FNDC3B: variants seen among roughly 807,000 people sequenced by gnomAD.
FNDC3B encodes fibronectin type III domain-containing protein 3B.
FNDC3B carries 12 observed loss-of-function variants against 151.5 expected under a neutral mutation model. That is an observed-to-expected ratio of 0.08 (90% confidence interval 0.05 to 0.13). The LOEUF is 0.13. FNDC3B is among the 10% of genes least tolerant of loss of function. FNDC3B has a pLI of 1.00. For missense variants in FNDC3B, 1,214 were observed against 1,505.3 expected, an observed-to-expected ratio of 0.81 and a Z score of 3.20; for synonymous variants, 528 against 549.0, an observed-to-expected ratio of 0.96 and a Z score of 0.54.
intron 1 of FNDC3B, among the ~76,000 whole-genome samples, chr3:172,064,916 T>C (rs1235107205): frequency 5.3e-5 from 8 of 152,232 alleles, no homozygotes; most frequent in East Asian, 3.8e-4. Context: ...TAAAAACAAG[T>C]GTCCACCAAC....
At chr3:172,308,169 C>T (rs1271628123) in intron 10 of FNDC3B, among the ~76,000 whole-genome samples, 1 of 152,124 alleles carries the variant, frequency 6.6e-6, no homozygotes, top group African/African-American at 2.4e-5. Context: ...TTAGGCCATA[C>T]ACCAGTCAGG....
At chr3:172,290,996 T>A (rs891662454) in intron 7 of FNDC3B, among the ~76,000 whole-genome samples, 10 of 152,334 alleles carry the variant, frequency 6.6e-5, no homozygotes, top group African/African-American at 2.2e-4. Context: ...GGAAATATTT[T>A]TGAACATGAA....
At chr3:172,150,507 A>G (rs769647980) in intron 3 of FNDC3B, among the ~76,000 whole-genome samples, 8 of 151,708 alleles carry the variant, frequency 5.3e-5, no homozygotes, top group Non-Finnish European at 1.0e-4. Flanking sequence ...TCTCTCATCT[A>G]TGGGGCATTA....
At chr3:172,201,972 A>G (rs988596901) in intron 3 of FNDC3B, among the ~76,000 whole-genome samples, 1 of 152,222 alleles carries the variant, frequency 6.6e-6, no homozygotes, top group Non-Finnish European at 1.5e-5. Flanking sequence ...GCATGATGTA[A>G]TAACTTGGAT....
chr3:172,295,518 G>T lies in FNDC3B; in HGVS notation c.1001+4G>T, dbSNP rs910255195. ...GAAAATACAAGATAATTTACAGGTT[G>T]TGTATGTTTCTATTGTTTTTCTTTG... On this transcript the variant is annotated splice_donor_region_variant and intron_variant, in intron 8 of 25. Coordinates refer to ENST00000415807, the MANE Select transcript of FNDC3B (RefSeq NM_022763.4). 5 of 1,611,608 alleles carry T rather than the reference G, an allele frequency of 3.1e-6. No homozygotes were observed. Among genetic ancestry groups the T allele is most frequent in the Non-Finnish European group, 4.2e-6 (5 of 1,179,158 alleles).
chr3:172,191,730 C>T (rs1724518615), intron 3 of FNDC3B, among the ~76,000 whole-genome samples: 1 of 152,126 alleles, frequency 6.6e-6, no homozygotes, highest in African/African-American at 2.4e-5. Context: ...CTTCTGGGCT[C>T]AAGTGATCCT....
intron 3 of FNDC3B, among the ~76,000 whole-genome samples, chr3:172,220,176 T>C (rs1726207809): frequency 6.6e-6 from 1 of 152,152 alleles, no homozygotes. Context: ...TCTGTGTGTG[T>C]GTGTGTGTGT....
intron 15 of FNDC3B, 88 bp downstream of exon 15, chr3:172,335,170 C>CA: frequency 5.1e-6 from 7 of 1,369,152 alleles, no homozygotes; most frequent in South Asian, 1.6e-5. Flanking sequence ...AGTGACAAGC[C>CA]AAAAAAATTG....
At position 172,378,304 on chromosome 3, in the gene FNDC3B, T is replaced by C; in HGVS notation, c.3043T>C (p.Tyr1015His). 1 of 1,612,054 alleles carries C rather than the reference T, an allele frequency of 6.2e-7. No individual in the cohort carries two copies. Among genetic ancestry groups the C allele is most frequent in the Non-Finnish European group, 8.5e-7 (1 of 1,179,390 alleles). ...AATCTACAGAGGACCCAGCCACACCTACAAGGTCCAGAGACTGACGGAATT... is the reference window on the plus strand; with the variant it reads ...AATCTACAGAGGACCCAGCCACACCCACAAGGTCCAGAGACTGACGGAATT... ...ISIYRGPSHTYKVQRLTEFTC... is the reference protein window; with the variant it reads ...ISIYRGPSHTHKVQRLTEFTC... The change falls in exon 24 of 26, where the codon TAC (tyrosine) becomes CAC (histidine). Residue 1015 changes from tyrosine to histidine, a missense_variant. Tyr to His is a moderately conservative substitution (Grantham distance 83). Transcript: ENST00000415807.
intron 3 of FNDC3B, among the ~76,000 whole-genome samples, chr3:172,211,158 G>T (rs755942572): frequency 2.4e-4 from 37 of 152,258 alleles, no homozygotes; most frequent in South Asian, 1.7e-3. Flanking sequence ...ACATAAAAAT[G>T]ACTCATAACA....
intron 1 of FNDC3B, among the ~76,000 whole-genome samples, chr3:172,058,915 G>A (rs531385491): frequency 6.6e-6 from 1 of 152,140 alleles, no homozygotes; most frequent in Non-Finnish European, 1.5e-5. Context: ...CATCTTCATA[G>A]GAGCATATCA....
At chr3:172,152,683 C>T (rs1722293781) in intron 3 of FNDC3B, among the ~76,000 whole-genome samples, 1 of 150,308 alleles carries the variant, frequency 6.7e-6, no homozygotes, top group Non-Finnish European at 1.5e-5. Flanking sequence ...GGAACGTGCT[C>T]AACTTACAAA....
Position 172,190,136 on chromosome 3 carries a change from C to G in FNDC3B, c.188-36735C>G, listed in dbSNP as rs147791956. On this transcript the variant is annotated intron_variant, in intron 3 of 25. Coordinates refer to ENST00000415807, the MANE Select transcript of FNDC3B (RefSeq NM_022763.4). ...CTGGAGCCTTGCTAGAATGCTTCCT[C>G]TCTTGGGAGTTCAGCCGACTGGGAG... is the stretch of plus-strand genomic sequence containing the variant. Among the ~76,000 whole-genome samples, 485 of 152,224 alleles carry G rather than the reference C, an allele frequency of 3.2e-3. 2 individuals are homozygous for G. The highest frequency in any genetic ancestry group is 0.01 in the Middle Eastern group (3 of 290).
intron 3 of FNDC3B, among the ~76,000 whole-genome samples, chr3:172,165,201 G>T (rs1490206391): frequency 5.9e-5 from 9 of 152,114 alleles, no homozygotes; most frequent in Non-Finnish European, 4.4e-5. Flanking sequence ...TTAGAGATGG[G>T]ATTTCACCAT....
chr3:172,151,966 C>A (rs1722249571), intron 3 of FNDC3B, among the ~76,000 whole-genome samples: 4 of 152,176 alleles, frequency 2.6e-5, no homozygotes, highest in Admixed American at 2.6e-4. Context: ...TATTTTCATT[C>A]TCCCCATCAG....
At chr3:172,246,785 T>C (rs1373773404) in intron 4 of FNDC3B, among the ~76,000 whole-genome samples, 1 of 152,164 alleles carries the variant, frequency 6.6e-6, no homozygotes. Flanking sequence ...AACAAAGAAT[T>C]GGAAAAAGAA....
rs749187315 is a variant in FNDC3B, at chr3:172,251,352, G to C, written c.601G>C (p.Asp201His). The C allele has an allele frequency of 6.2e-7, 1 of 1,614,016 alleles. No homozygotes were observed. The highest frequency in any genetic ancestry group is 8.5e-7 in the Non-Finnish European group (1 of 1,180,000). ...CAAAAAACTGAAAGACCGCCAGATC[G>C]ATCGCCAGAACCGCCTCAACAGCCC... ...PHKKLKDRQIDRQNRLNSPPS... is the reference protein window; with the variant it reads ...PHKKLKDRQIHRQNRLNSPPS... The change falls in exon 6 of 26, where the codon GAT becomes CAT. Residue 201 changes from aspartate (D) to histidine (H), a missense_variant. Physicochemically the swap from Asp to His is moderately conservative, Grantham distance 81. Around this residue, in one of 7 missense-constraint regions of FNDC3B, gnomAD observed 166 missense variants for 173.2 expected, o/e 0.96. Transcript: ENST00000415807.
intron 24 of FNDC3B, among the ~76,000 whole-genome samples, chr3:172,380,442 C>T (rs1735379309): frequency 1.3e-5 from 2 of 152,154 alleles, no homozygotes; most frequent in South Asian, 4.1e-4. Context: ...TCACATGTCA[C>T]CTGCTCCTCA....
At chr3:172,136,346 G>T (rs902210048) in intron 3 of FNDC3B, among the ~76,000 whole-genome samples, 1 of 152,208 alleles carries the variant, frequency 6.6e-6, no homozygotes, top group Non-Finnish European at 1.5e-5. Context: ...AGATCTACTG[G>T]TTGAGCAGTG....
Sources: gnomAD v4.1 joint callset for allele counts (sites outside exome capture counted in the v4.1 genomes callset) on GRCh38, gnomAD v4.1.1 for gene constraint, gnomAD v4.1.1 regional missense constraint, MANE v1.5 for transcripts, NCBI Gene and HGNC (gene_info 2026-07-23, HGNC 2026-07-21) for gene names.